CYTH1: variants seen among roughly 807,000 people sequenced by gnomAD.
The protein encoded by CYTH1 is cytohesin-1.
CYTH1 carries 18 observed loss-of-function variants against 61.8 expected under a neutral mutation model. The ratio of observed to expected loss-of-function variants is 0.29; its 90% CI spans 0.20 to 0.43. CYTH1 has a LOEUF of 0.43. CYTH1 is among the 20% of genes least tolerant of loss of function. CYTH1 has a pLI of 1.00. For synonymous variants in CYTH1, 174 were observed against 184.3 expected (o/e 0.94, Z 0.45); for missense variants, 336 against 510.5 (o/e 0.66, Z 3.29).
chr17:78,718,583 G>A (rs1049012159), intron 1 of CYTH1, among the ~76,000 whole-genome samples: 2 of 152,096 alleles, frequency 1.3e-5, no homozygotes, highest in African/African-American at 2.4e-5. Flanking sequence ...ACAAACCAGC[G>A]TGTTCACCTC....
At chr17:78,772,959 A>T (rs1296377277) in intron 1 of CYTH1, among the ~76,000 whole-genome samples, 2 of 152,124 alleles carry the variant, frequency 1.3e-5, no homozygotes, top group Non-Finnish European at 2.9e-5. Context: ...CCTCTTGAGT[A>T]GCTGGGATCA....
Position 78,698,293 on chromosome 17 carries a change from G to T in CYTH1, c.787C>A (p.Arg263=). 1 of 1,613,398 alleles carries T rather than the reference G, an allele frequency of 6.2e-7. No individual in the cohort carries two copies. Residue 263 remains arginine (R), a synonymous_variant, in exon 9 of 14, where the codon CGA becomes AGA. Transcript: ENST00000446868. ...DLTHTFFNPD[R]EGWLLKLGGG... is the part of the protein sequence containing the mutation. ...CCGAGTTTCAATAGCCAGCCTTCTC[G>T]GTCTGGATTGAAGAAAGTGTGAGTG... is the stretch of plus-strand genomic sequence containing the variant.
At chr17:78,706,119 T>G (rs1385104488) in intron 3 of CYTH1, among the ~76,000 whole-genome samples, 9 of 152,360 alleles carry the variant, frequency 5.9e-5, no homozygotes, top group African/African-American at 2.2e-4. Context: ...AAAGCCATTT[T>G]TTTTTACATT....
intron 4 of CYTH1, 119 bp downstream of exon 4, chr17:78,702,419 G>C: frequency 8.7e-7 from 1 of 1,151,924 alleles, no homozygotes; most frequent in East Asian, 2.4e-5. Flanking sequence ...CATAACATTT[G>C]CTCTACAAAA....
chr17:78,721,817 G>A (rs533965823), intron 1 of CYTH1, among the ~76,000 whole-genome samples: 3 of 152,274 alleles, frequency 2.0e-5, no homozygotes, highest in Admixed American at 6.5e-5. Flanking sequence ...GCCGAGGCTC[G>A]TGGATCACTT....
intron 1 of CYTH1, among the ~76,000 whole-genome samples, chr17:78,727,499 G>C (rs2093272765): frequency 6.6e-6 from 1 of 152,184 alleles, no homozygotes; most frequent in South Asian, 2.1e-4. Context: ...CCTCAAAATA[G>C]AAACAAACTG....
At chr17:78,766,087 G>GGAAA (rs1179156792) in intron 1 of CYTH1, among the ~76,000 whole-genome samples, 9 of 65,682 alleles carry the variant, frequency 1.4e-4, no homozygotes, top group Non-Finnish European at 2.1e-4. Flanking sequence ...CATCTCTACA[G>GGAAA]AAAAAAAAAA....
chr17:78,744,153 A>G (rs1448479613), intron 1 of CYTH1, among the ~76,000 whole-genome samples: 3 of 152,178 alleles, frequency 2.0e-5, no homozygotes, highest in East Asian at 1.9e-4. Flanking sequence ...CGCTCTCTGT[A>G]TCTTCACAGC....
intron 1 of CYTH1, among the ~76,000 whole-genome samples, chr17:78,774,547 T>C (rs1347018925): frequency 1.3e-5 from 2 of 152,170 alleles, no homozygotes; most frequent in Non-Finnish European, 1.5e-5. Flanking sequence ...CAATCCATTA[T>C]TCCCTCCACA....
intron 11 of CYTH1, among the ~76,000 whole-genome samples, chr17:78,689,402 C>T (rs1360999855): frequency 6.6e-6 from 1 of 152,222 alleles, no homozygotes; most frequent in East Asian, 1.9e-4. Context: ...GCATTAGATT[C>T]TCAGGAGGAG....
chr17:78,696,044 T>C, intron 9 of CYTH1, 35 bp from the exon 10 acceptor site: 6 of 1,367,564 alleles, frequency 4.4e-6, no homozygotes, highest in Non-Finnish European at 5.9e-6. Flanking sequence ...AGAGCCAAAA[T>C]CATGGAAACA....
intron 11 of CYTH1, among the ~76,000 whole-genome samples, chr17:78,682,525 TCTGGTTTC>T (rs1326948073): frequency 6.6e-6 from 1 of 152,184 alleles, no homozygotes; most frequent in Non-Finnish European, 1.5e-5. Context: ...TTTCAAGATC[TCTGGTTTC>T]CTACAGCCAA....
In CYTH1 at chr17:78,702,174, A is replaced by G. The variant is rs780914454; in HGVS notation, c.304T>C (p.Tyr102His). Residue 102 changes from tyrosine (Y) to histidine (H), a missense_variant, in exon 5 of 14, where the codon TAT (tyrosine) becomes CAT (histidine). Around this residue, in one of 4 missense-constraint regions of CYTH1, gnomAD observed 112 missense variants for 127.1 expected, o/e 0.88. Coordinates refer to ENST00000446868, the MANE Select transcript of CYTH1 (RefSeq NM_004762.6). ...GTCTTGTTGAGCCCTTCGCCTTTAT[A>G]TAAGAACTGGGCAATGTCTTCACAA... ...NTCEDIAQFL[Y>H]KGEGLNKTAI... 11 of 1,614,068 alleles carry G rather than the reference A, an allele frequency of 6.8e-6. No homozygotes were observed. Among genetic ancestry groups the G allele is most frequent in the Middle Eastern group, 1.6e-4 (1 of 6,084 alleles).
chr17:78,701,758 A>C lies in CYTH1; in HGVS notation c.357-7T>G. The C allele has an allele frequency of 2.5e-6, 4 of 1,614,118 alleles. No individual in the cohort carries two copies. Among genetic ancestry groups the C allele is most frequent in the Non-Finnish European group, 3.4e-6 (4 of 1,179,968 alleles). ...CTGGATATTAAACTCATCTCTATCG[A>C]GAAAAGACAAAAAATGGGAGAGAAA... On this transcript the variant is annotated splice_region_variant and splice_polypyrimidine_tract_variant and intron_variant, in intron 5 of 13. Transcript: ENST00000446868.
At chr17:78,746,747 G>A (rs2093360817) in intron 1 of CYTH1, among the ~76,000 whole-genome samples, 1 of 152,102 alleles carries the variant, frequency 6.6e-6, no homozygotes, top group African/African-American at 2.4e-5. Flanking sequence ...TTCAAGACTA[G>A]CCTAGACAAC....
At chr17:78,702,681 G>C in intron 3 of CYTH1, 77 bp from the exon 4 acceptor site, 2 of 1,437,166 alleles carry the variant, frequency 1.4e-6, no homozygotes, top group South Asian at 1.2e-5. Flanking sequence ...GATTTCCACT[G>C]ATTTACACAG....
intron 11 of CYTH1, among the ~76,000 whole-genome samples, chr17:78,686,313 T>C (rs561004308): frequency 1.8e-4 from 28 of 152,250 alleles, no homozygotes; most frequent in Non-Finnish European, 3.8e-4. Context: ...TATAATTCTA[T>C]GATTATATAT....
intron 3 of CYTH1, 76 bp from the exon 4 acceptor site, chr17:78,702,680 T>C (rs2093024629): frequency 6.9e-7 from 1 of 1,444,744 alleles, no homozygotes; most frequent in Admixed American, 1.7e-5. Context: ...TGATTTCCAC[T>C]GATTTACACA....
chr17:78,709,067 C>CT (rs1189298369), intron 2 of CYTH1: 4 of 152,310 alleles, frequency 2.6e-5, no homozygotes, highest in African/African-American at 9.6e-5. Context: ...TTCCTACAAG[C>CT]TTGATAGTTA....
Sources: gnomAD v4.1 joint callset for allele counts (sites outside exome capture counted in the v4.1 genomes callset) on GRCh38, gnomAD v4.1.1 for gene constraint, gnomAD v4.1.1 regional missense constraint, MANE v1.5 for transcripts, NCBI Gene and HGNC (gene_info 2026-07-23, HGNC 2026-07-21) for gene names.